CD99L2: variants seen among roughly 807,000 people sequenced by gnomAD.
CD99L2 encodes CD99 antigen-like protein 2.
CD99L2 carries 24 observed loss-of-function variants against 27.3 expected under a neutral mutation model. That is an observed-to-expected ratio of 0.88 (90% CI 0.64 to 1.24). CD99L2 has a LOEUF of 1.24. CD99L2 is among the 50% of genes most tolerant of loss of function. The pLI is 0.00. For synonymous variants in CD99L2, 97 were observed against 87.9 expected (o/e 1.10, Z -0.58); for missense variants, 255 against 221.6 (o/e 1.15, Z -0.96).
chrX:150,824,653 A>AGAAGAG (rs2046338353), intron 2 of CD99L2, among the ~76,000 whole-genome samples: 1 of 91,335 alleles, frequency 1.1e-5, no homozygotes, highest in Admixed American at 1.3e-4. Flanking sequence ...AAGAAGAAGA[A>AGAAGAG]GAAGAAGAAG....
At chrX:150,771,813 G>C in intron 9 of CD99L2, 1 of 1,155,652 alleles carries the variant, frequency 8.7e-7, no homozygotes. Flanking sequence ...ACCTTGACCT[G>C]CTGCTGCATC....
intron 1 of CD99L2, among the ~76,000 whole-genome samples, chrX:150,837,925 T>C (rs2046558495): frequency 8.9e-6 from 1 of 112,295 alleles, no homozygotes; most frequent in African/African-American, 3.2e-5. Flanking sequence ...GATTACAGTA[T>C]GATAAAGGGG....
chrX:150,768,275 C>G lies in CD99L2; in HGVS notation c.*759G>C, dbSNP rs5925425. On this transcript the variant is annotated 3_prime_UTR_variant, in exon 11 of 11. Coordinates refer to ENST00000370377, the MANE Select transcript of CD99L2 (RefSeq NM_031462.4). ...GCTAAAGACCTTTCTCATGTCAACC[C>G]GAAGGCCACACCCAGCCCCCTATGG... is the stretch of plus-strand genomic sequence containing the variant. 0.27 allele frequency: 30,038 copies of G among 111,127 alleles called. 3,037 individuals are homozygous for G. Among genetic ancestry groups the G allele is most frequent in the Middle Eastern group, 0.56 (119 of 213 alleles). The allele number at this position is 111,127 out of a possible 1,213,427, so 9.2% of individuals were successfully genotyped here.
At chrX:150,770,735 C>T (rs1274458892) in intron 9 of CD99L2, among the ~76,000 whole-genome samples, 3 of 112,927 alleles carry the variant, frequency 2.7e-5, no homozygotes, top group African/African-American at 9.7e-5. Context: ...CGTGTGCGGC[C>T]CGGGGGCCAG....
intron 3 of CD99L2, among the ~76,000 whole-genome samples, chrX:150,815,511 T>A (rs1233165807): frequency 8.9e-6 from 1 of 112,013 alleles, no homozygotes; most frequent in Non-Finnish European, 1.9e-5. Flanking sequence ...AGCCACACCG[T>A]CACATTTTTC....
chrX:150,793,411 T>C (rs922821258), intron 7 of CD99L2, among the ~76,000 whole-genome samples: 3 of 112,445 alleles, frequency 2.7e-5, no homozygotes, highest in Non-Finnish European at 3.8e-5. Flanking sequence ...TTATCATTGG[T>C]GGTGTTGCCT....
intron 1 of CD99L2, among the ~76,000 whole-genome samples, chrX:150,879,515 C>G (rs782791045): frequency 9.1e-6 from 1 of 110,027 alleles, no homozygotes; most frequent in Admixed American, 9.7e-5. Context: ...AAGGACTCAC[C>G]GTGATTCAGG....
At chrX:150,846,774 C>T (rs1557421472) in intron 1 of CD99L2, among the ~76,000 whole-genome samples, 1 of 111,709 alleles carries the variant, frequency 9.0e-6, no homozygotes, top group African/African-American at 3.3e-5. Context: ...ACTGATACGA[C>T]ATAAGTTTGG....
intron 1 of CD99L2, among the ~76,000 whole-genome samples, chrX:150,878,071 C>T (rs1468444033): frequency 1.8e-5 from 2 of 109,624 alleles, no homozygotes; most frequent in Admixed American, 2.0e-4. Context: ...GGTGCAGTGG[C>T]TCACGCTTGT....
At chrX:150,775,739 T>G (rs2043540318) in intron 9 of CD99L2, among the ~76,000 whole-genome samples, 1 of 112,482 alleles carries the variant, frequency 8.9e-6, no homozygotes, top group Non-Finnish European at 1.9e-5. Flanking sequence ...CCCCAGGAAC[T>G]GCTGCCCTCT....
Position 150,767,852 on chromosome X carries a change from ACCGGGACAGAACCATAT to A in CD99L2, c.*1165_*1181del, listed in dbSNP as rs2148699282. On this transcript the variant is annotated 3_prime_UTR_variant, in exon 11 of 11. Transcript: ENST00000370377. ...CCGTGAGCCTCTGACAACAGAGCTC[ACCGGGACAGAACCATAT>A]GTGGGCCAAAGGAACATTCCAGGAA... The A allele has an allele frequency of 9.0e-6, 1 of 111,268 alleles. No individual in the cohort carries two copies. Among genetic ancestry groups the A allele is most frequent in the East Asian group, 2.9e-4 (1 of 3,471 alleles). 9.2% of individuals were successfully genotyped at this position (111,268 alleles called of 1,213,427 possible).
chrX:150,819,132 G>T, intron 2 of CD99L2: 1 of 343,343 alleles, frequency 2.9e-6, no homozygotes, highest in Admixed American at 3.0e-5. Context: ...GCAGGTATGT[G>T]GTCTTTGGCA....
intron 1 of CD99L2, among the ~76,000 whole-genome samples, chrX:150,884,910 T>C (rs568037812): frequency 8.9e-6 from 1 of 112,097 alleles, no homozygotes; most frequent in Admixed American, 9.5e-5. Flanking sequence ...AAACAACTTG[T>C]GATATAGTCA....
At position 150,801,623 on chromosome X, in the gene CD99L2, GA is replaced by G. The variant is rs1393869441; in HGVS notation, c.278-6138del. Among the ~76,000 whole-genome samples, 466 of 104,667 alleles carry G rather than the reference GA, an allele frequency of 4.5e-3. 5 individuals carry two copies. The highest frequency in any genetic ancestry group is 0.015 in the African/African-American group (432 of 28,934). The allele number at this position is 104,667 out of a possible 115,157, so 90.9% of individuals were successfully genotyped here. A position where few individuals can be genotyped will look rare whatever the true frequency, so the allele number is the denominator to read the frequency against. On this transcript the variant is annotated intron_variant, in intron 4 of 10. Transcript: ENST00000370377. The stretch of plus-strand genomic sequence containing the variant: ...CAAACCAGATCAAGACCTTATTAAA[GA>G]AAAAAAAAACATATAGACTAATGTC...
Position 150,795,456 on chromosome X carries a change from T to A in CD99L2, c.308A>T (p.Lys103Met), listed in dbSNP as rs782265532. The change falls in exon 5 of 11, where the codon AAG becomes ATG. Residue 103 changes from lysine to methionine, a missense_variant. Lys to Met is a moderately conservative substitution (Grantham distance 95, BLOSUM62 -1). Coordinates refer to ENST00000370377, the MANE Select transcript of CD99L2 (RefSeq NM_031462.4). Reference sequence around the variant, plus strand: ...TGGAGCTCTGGTGGTTACTGGCCTCTTGGTCGTGGTGGTTACATGGTTCCA... The same window carrying A: ...TGGAGCTCTGGTGGTTACTGGCCTCATGGTCGTGGTGGTTACATGGTTCCA... ...ERWNHVTTTT[K>M]RPVTTRAPAN... The A allele has an allele frequency of 8.3e-7, 1 of 1,211,375 alleles. No homozygotes were observed. The highest frequency in any genetic ancestry group is 1.1e-6 in the Non-Finnish European group (1 of 895,417).
At chrX:150,870,765 C>T (rs961678887) in intron 1 of CD99L2, among the ~76,000 whole-genome samples, 2 of 110,968 alleles carry the variant, frequency 1.8e-5, no homozygotes, top group Non-Finnish European at 3.8e-5. Context: ...CACTGCACCC[C>T]CCCATCCTAG....
chrX:150,775,446 G>A (rs2043532677), intron 9 of CD99L2, among the ~76,000 whole-genome samples: 1 of 112,444 alleles, frequency 8.9e-6, no homozygotes, highest in South Asian at 3.7e-4. Flanking sequence ...CCTGATGTGG[G>A]GCGCCGATGG....
intron 7 of CD99L2, among the ~76,000 whole-genome samples, chrX:150,783,145 G>T (rs1286291995): frequency 2.0e-5 from 2 of 101,720 alleles, no homozygotes; most frequent in Non-Finnish European, 4.0e-5. Context: ...GGCCTGTCGG[G>T]GGGTAGGGGG....
At chrX:150,836,199 C>A (rs2046524673) in intron 1 of CD99L2, among the ~76,000 whole-genome samples, 1 of 111,184 alleles carries the variant, frequency 9.0e-6, no homozygotes, top group African/African-American at 3.3e-5. Context: ...CTGGAATTGA[C>A]CTAAGTAAAT....
Sources: allele counts gnomAD v4.1 joint callset (sites outside exome capture counted in the v4.1 genomes callset), GRCh38; gene constraint gnomAD v4.1.1; transcripts MANE v1.5; gene names NCBI Gene and HGNC (gene_info 2026-07-23, HGNC 2026-07-21).